Variants in NPC1 observed in about 807,000 individuals in gnomAD.
NPC1 encodes the protein Niemann-Pick C1 protein.
NPC1 carries 85 observed loss-of-function variants against 140.4 expected under a neutral mutation model. The observed-to-expected ratio is 0.61, with a 90% confidence interval of 0.51 to 0.72. NPC1 has a LOEUF of 0.72. Ranked by LOEUF, NPC1 falls within the 30% of genes least tolerant of loss-of-function variation. The pLI is 0.00. For missense variants in NPC1, 1,504 were observed against 1,623.8 expected, an observed-to-expected ratio of 0.93 and a Z score of 1.27; for synonymous variants, 656 against 624.8, an observed-to-expected ratio of 1.05 and a Z score of -0.74.
chr18:23,527,952 G>C, downstream of NPC1: 1 of 1,411,020 alleles, frequency 7.1e-7, no homozygotes, highest in Non-Finnish European at 9.7e-7. Flanking sequence ...CCCCCTCCCG[G>C]GTATTTTCTA....
At chr18:23,567,450 G>A (rs1258168925) in intron 4 of NPC1, among the ~76,000 whole-genome samples, 1 of 152,142 alleles carries the variant, frequency 6.6e-6, no homozygotes, top group African/African-American at 2.4e-5. Flanking sequence ...TGAGGTATCT[G>A]TTCAGGTTGT....
At chr18:23,546,988 C>T (rs1618725) in intron 11 of NPC1, among the ~76,000 whole-genome samples, 87,958 of 151,912 alleles carry the variant, frequency 0.58, 26,687 homozygotes, top group East Asian at 0.91. Context: ...TTTTTAAATT[C>T]TCTTTTTTCT....
downstream of NPC1, chr18:23,528,532 C>G (rs934909864): frequency 1.3e-5 from 2 of 152,976 alleles, no homozygotes; most frequent in African/African-American, 4.8e-5. Flanking sequence ...ACAAAAGCCC[C>G]AGAACTCCAC....
chr18:23,575,726 T>A (rs538228908), intron 1 of NPC1, among the ~76,000 whole-genome samples: 2 of 142,780 alleles, frequency 1.4e-5, no homozygotes, highest in Non-Finnish European at 3.0e-5. Flanking sequence ...CATTCAGGTT[T>A]GCTTCTCAAA....
downstream of NPC1, among the ~76,000 whole-genome samples, chr18:23,521,927 G>A (rs1025376705): frequency 3.3e-5 from 5 of 152,216 alleles, no homozygotes; most frequent in African/African-American, 1.2e-4. Context: ...GAATTGGCTA[G>A]TCTGAGGTTT....
intron 8 of NPC1, 126 bp from the exon 9 acceptor site, chr18:23,555,110 G>A (rs2058931022): frequency 1.4e-6 from 1 of 727,002 alleles, no homozygotes; most frequent in Non-Finnish European, 2.4e-6. Context: ...TTCCTAAGAT[G>A]AGGGAGAGAA....
chr18:23,531,899 T>G lies in NPC1; in HGVS notation c.*303A>C, dbSNP rs993093547. ...TGCATTGATTGGCCTTTACAGAGTG[T>G]CAGTGAGCGGATCACATTCACAGCC... On this transcript the variant is annotated 3_prime_UTR_variant, in exon 25 of 25. Transcript: ENST00000269228. The G allele has an allele frequency of 1.4e-6, 2 of 1,442,308 alleles. No homozygotes were observed. The highest frequency in any genetic ancestry group is 1.8e-6 in the Non-Finnish European group (2 of 1,105,538). 89.3% of individuals were successfully genotyped at this position (1,442,308 alleles called of 1,614,324 possible).
rs1555634619 is a variant in NPC1 at position 23,544,952 on chromosome 18, C to CG, written c.1947+7dup. 1.8e-4 allele frequency: 252 copies of CG among 1,430,290 alleles called. 11 individuals carry two copies. Among genetic ancestry groups the CG allele is most frequent in the Admixed American group, 1.6e-3 (88 of 55,728 alleles). The allele number at this position is 1,430,290 out of a possible 1,614,324, so 88.6% of individuals were successfully genotyped here. A position where few individuals can be genotyped will look rare whatever the true frequency, so the allele number is the denominator to read the frequency against. ...CTCTAGAACATACACCACCCCCCCC[C>CG]GGCTTACCAGAAGCCTGCGACAGCT... On this transcript the variant is annotated splice_region_variant and intron_variant, in intron 12 of 24. Coordinates refer to ENST00000269228, the MANE Select transcript of NPC1 (RefSeq NM_000271.5).
In NPC1 at chr18:23,536,832, T is replaced by C. The variant is rs747201863; in HGVS notation, c.3086A>G (p.His1029Arg). Residue 1029 changes from histidine to arginine, a missense_variant, in exon 21 of 25, where the codon CAT (histidine) becomes CGT (arginine). By Grantham distance (29) the His-to-Arg change is conservative (BLOSUM62 0). Transcript: ENST00000269228. ...GTACGTGGCTCCGACCCTGGTGCCA[T>C]GGCCAAGGAGGATGTTAACTGCAGA... ...YSSAVNILLG[H>R]GTRVGATYFM... 11 of 1,614,114 alleles carry C rather than the reference T, an allele frequency of 6.8e-6. No homozygotes were observed. In the East Asian group the frequency reaches 1.1e-4, roughly 16 times the overall value.
chr18:23,518,557 T>C (rs151156406), downstream of NPC1, among the ~76,000 whole-genome samples: 1 of 152,332 alleles, frequency 6.6e-6, no homozygotes, highest in African/African-American at 2.4e-5. Context: ...ACATTCATTA[T>C]ACAAAACTTG....
rs1776136586 is a variant in NPC1 at position 23,531,448 on chromosome 18, C to CCA, written c.*752_*753dup. 1 of 1,302,574 alleles carries CCA rather than the reference C, an allele frequency of 7.7e-7. No homozygotes were observed. The highest frequency in any genetic ancestry group is 1.0e-6 in the Non-Finnish European group (1 of 986,840). The allele number at this position is 1,302,574 out of a possible 1,614,324, so 80.7% of individuals were successfully genotyped here. A position where few individuals can be genotyped will look rare whatever the true frequency, so the allele number is the denominator to read the frequency against. The stretch of plus-strand genomic sequence containing the variant: ...AAGGACAGGTTAGATAGAATCTCTT[C>CCA]CATTTAGCTTTTGTATTTGTCTCTC... On this transcript the variant is annotated 3_prime_UTR_variant, in exon 25 of 25. Coordinates refer to ENST00000269228, the MANE Select transcript of NPC1 (RefSeq NM_000271.5).
At position 23,538,627 on chromosome 18, in the gene NPC1, C is replaced by T. The variant is rs1364834942; in HGVS notation, c.2956G>A (p.Gly986Ser). ...CVRCRPLTPE[G>S]KQRPQGGDFM... ...TCTCCCCCCTGAGGCCTCTGTTTGC[C>T]TTCCGGAGTCAGAGGCCTGCAGCGA... The change falls in exon 20 of 25, where the codon GGC becomes AGC. Residue 986 changes from glycine to serine, a missense_variant. By Grantham distance (56) the Gly-to-Ser change is moderately conservative (BLOSUM62 0). Transcript: ENST00000269228. 3.2e-5 allele frequency: 52 copies of T among 1,614,168 alleles called. No homozygotes were observed. The highest frequency in any genetic ancestry group is 4.4e-5 in the Non-Finnish European group (52 of 1,180,010).
chr18:23,551,531 C>A, intron 10 of NPC1, 96 bp downstream of exon 10: 1 of 961,196 alleles, frequency 1.0e-6, no homozygotes, highest in Non-Finnish European at 1.7e-6. Context: ...AACAAAACTG[C>A]CCAATTTATG....
At chr18:23,557,017 A>G in intron 7 of NPC1, 100 bp downstream of exon 7, 2 of 995,764 alleles carry the variant, frequency 2.0e-6, no homozygotes, top group Non-Finnish European at 3.1e-6. Flanking sequence ...CGGCACTGGC[A>G]CACCACCTCA....
At position 23,543,589 on chromosome 18, in the gene NPC1, AAT is replaced by A. The variant is rs1169813887; in HGVS notation, c.2131-22_2131-21del. The stretch of plus-strand genomic sequence containing the variant: ...ATCTCTCTTAAAAAAAAAAAAAAAA[AAT>A]TATGCGACATTAAAATTTCTCAATA... On this transcript the variant is annotated intron_variant, in intron 13 of 24. Coordinates refer to ENST00000269228, the MANE Select transcript of NPC1 (RefSeq NM_000271.5). The A allele has an allele frequency of 8.1e-7, 1 of 1,241,094 alleles. No homozygotes were observed. Among genetic ancestry groups the A allele is most frequent in the South Asian group, 1.3e-5 (1 of 78,920 alleles). The allele number at this position is 1,241,094 out of a possible 1,614,324, so 76.9% of individuals were successfully genotyped here.
Position 23,586,340 on chromosome 18 carries a change from T to G in NPC1, c.4A>C (p.Thr2Pro). ...AGGCCAAGGGCCAGGCCGCGAGCGG[T>G]CATGCTGTGGCCGCGCAAGGCTGCT... is the stretch of plus-strand genomic sequence containing the variant. M[T>P]ARGLALGLLL... The change falls in exon 1 of 25, where the codon ACC (threonine) becomes CCC (proline). Residue 2 changes from threonine (T) to proline (P), a missense_variant. Physicochemically the swap from Thr to Pro is conservative, Grantham distance 38 (BLOSUM62 -1). Transcript: ENST00000269228. The G allele has an allele frequency of 6.5e-7, 1 of 1,533,488 alleles. No individual in the cohort carries two copies. The highest frequency in any genetic ancestry group is 8.7e-7 in the Non-Finnish European group (1 of 1,146,064). The allele number at this position is 1,533,488 out of a possible 1,614,324, so 95.0% of individuals were successfully genotyped here. A position where few individuals can be genotyped will look rare whatever the true frequency, so the allele number is the denominator to read the frequency against.
At chr18:23,512,249 G>A (rs1233581517) in intron 3 of NPC1, among the ~76,000 whole-genome samples, 2 of 151,936 alleles carry the variant, frequency 1.3e-5, no homozygotes, top group East Asian at 1.9e-4. Flanking sequence ...TTGAACCCCT[G>A]GCCTCAAATA....
intron 1 of NPC1, among the ~76,000 whole-genome samples, chr18:23,585,238 T>C (rs1056814573): frequency 2.0e-5 from 3 of 152,064 alleles, no homozygotes; most frequent in Admixed American, 6.5e-5. Context: ...ACCTCAACAA[T>C]GAAAAGAAAA....
chr18:23,527,200 A>G (rs2058323928), downstream of NPC1, among the ~76,000 whole-genome samples: 1 of 147,292 alleles, frequency 6.8e-6, no homozygotes, highest in Non-Finnish European at 1.5e-5. Context: ...CCTGGACGAC[A>G]ACATGGCAAA....
Sources: gnomAD v4.1 joint callset for allele counts (sites outside exome capture counted in the v4.1 genomes callset) on GRCh38, gnomAD v4.1.1 for gene constraint, MANE v1.5 for transcripts, NCBI Gene and HGNC (gene_info 2026-07-23, HGNC 2026-07-21) for gene names.